THSD4: variants seen among roughly 807,000 people sequenced by gnomAD.
The protein encoded by THSD4 is thrombospondin type 1 domain containing 4.
A neutral mutation model predicts 119.0 loss-of-function variants in THSD4; 69 were observed. The ratio of observed to expected loss-of-function variants is 0.58; its 90% CI spans 0.48 to 0.71. The LOEUF (loss-of-function observed/expected upper bound fraction) is 0.71. Among genes scored for constraint, THSD4 ranks in the 30% least tolerant of loss-of-function variants. The pLI is 0.00. For synonymous variants in THSD4, 524 were observed against 540.4 expected, an observed-to-expected ratio of 0.97 and a Z score of 0.42; for missense variants, 1,393 against 1,391.1, an observed-to-expected ratio of 1.00 and a Z score of -0.02.
intron 3 of THSD4, among the ~76,000 whole-genome samples, chr15:71,174,384 C>G (rs983102123): frequency 6.6e-6 from 1 of 150,648 alleles, no homozygotes; most frequent in Admixed American, 6.6e-5. Flanking sequence ...ATGGACGCAC[C>G]TGGAAAATCG....
chr15:71,287,098 A>G (rs1029438791), intron 6 of THSD4, among the ~76,000 whole-genome samples: 2 of 152,240 alleles, frequency 1.3e-5, no homozygotes, highest in Non-Finnish European at 2.9e-5. Flanking sequence ...TTTAAGAAGA[A>G]TGATATTTGA....
chr15:71,214,932 CTG>C, intron 3 of THSD4, 101 bp from the exon 4 acceptor site: 1 of 1,203,772 alleles, frequency 8.3e-7, no homozygotes, highest in Non-Finnish European at 1.0e-6. Context: ...TTGAAACAGA[CTG>C]TGCCTACTTG....
At chr15:71,457,747 C>T (rs751581063) in intron 7 of THSD4, among the ~76,000 whole-genome samples, 12 of 152,206 alleles carry the variant, frequency 7.9e-5, no homozygotes, top group Non-Finnish European at 1.6e-4. Context: ...TGTCCCTCCA[C>T]CACCACTGTA....
intron 7 of THSD4, among the ~76,000 whole-genome samples, chr15:71,614,109 C>T (rs2050280789): frequency 6.6e-6 from 1 of 152,192 alleles, no homozygotes; most frequent in Non-Finnish European, 1.5e-5. Context: ...CTATAAAATG[C>T]AGCAACTCTA....
intron 3 of THSD4, among the ~76,000 whole-genome samples, chr15:71,191,404 C>T (rs968903160): frequency 3.3e-5 from 5 of 152,190 alleles, no homozygotes; most frequent in African/African-American, 4.8e-5. Flanking sequence ...CTCTGTTATC[C>T]GGTTCATGTC....
At chr15:71,765,302 G>C in intron 16 of THSD4, 103 bp downstream of exon 16, 2 of 1,365,536 alleles carry the variant, frequency 1.5e-6, no homozygotes, top group Admixed American at 2.8e-5. Context: ...CCCTGAAAGA[G>C]ATTCCCTACA....
rs1414119653 is a variant in THSD4, at chr15:71,204,393, TGCTCAGAGCCTCTTTGCTG to T, written c.100-10639_100-10621del. 4.6e-5 allele frequency among the ~76,000 whole-genome samples: 7 copies of T among 152,336 alleles called. No homozygotes were observed. The South Asian group carries it at 8.3e-4, about 18-fold the overall frequency. On this transcript the variant is annotated intron_variant, in intron 3 of 17. Transcript: ENST00000261862. ...TTGCACTGCGTTTAGGGAAGTTCTG[TGCTCAGAGCCTCTTTGCTG>T]GCAGTGGGGAGCCCTGGGTACAACC...
intron 6 of THSD4, among the ~76,000 whole-genome samples, chr15:71,263,825 G>A (rs2044432167): frequency 6.6e-6 from 1 of 152,240 alleles, no homozygotes; most frequent in Admixed American, 6.5e-5. Context: ...GCTCAAAGGA[G>A]GAGAAATGGA....
intron 7 of THSD4, among the ~76,000 whole-genome samples, chr15:71,473,621 C>A (rs1172193675): frequency 6.6e-6 from 1 of 152,192 alleles, no homozygotes. Flanking sequence ...CAATCCTATA[C>A]AGAGAAAAGA....
chr15:71,727,546 AAAAAAAAATATATAT>A (rs1451518868), intron 8 of THSD4, among the ~76,000 whole-genome samples: 5 of 100,854 alleles, frequency 5.0e-5, no homozygotes, highest in African/African-American at 2.4e-4. Context: ...AAAAAAAAAA[AAAAAAAAATATATAT>A]ATATATATAT....
At chr15:71,109,826 T>C (rs1271709026) in intron 1 of THSD4, among the ~76,000 whole-genome samples, 1 of 151,958 alleles carries the variant, frequency 6.6e-6, no homozygotes, top group Non-Finnish European at 1.5e-5. Context: ...GTCTGTGTGC[T>C]GAAGAGAGGC....
At chr15:71,164,856 C>T (rs906504933) in intron 3 of THSD4, 10 of 1,580,234 alleles carry the variant, frequency 6.3e-6, no homozygotes, top group Non-Finnish European at 8.6e-6. Context: ...TCATCTTCCT[C>T]CTCTTCCTTC....
chr15:71,567,104 C>T (rs1206240688), intron 7 of THSD4, among the ~76,000 whole-genome samples: 2 of 152,098 alleles, frequency 1.3e-5, no homozygotes, highest in African/African-American at 2.4e-5. Flanking sequence ...GAGCAGTGCC[C>T]GGATAGCTGT....
At chr15:71,290,425 A>T (rs1162634876) in intron 6 of THSD4, among the ~76,000 whole-genome samples, 2 of 151,086 alleles carry the variant, frequency 1.3e-5, no homozygotes, top group African/African-American at 4.9e-5. Context: ...TGTCATTTAG[A>T]TTTTTTTTTT....
chr15:71,749,143 G>A (rs1203602227), intron 14 of THSD4, among the ~76,000 whole-genome samples: 3 of 152,272 alleles, frequency 2.0e-5, no homozygotes, highest in Non-Finnish European at 1.5e-5. Context: ...AGGGGTTTCT[G>A]CAGATGGAGT....
At chr15:71,493,726 C>G (rs1448977833) in intron 7 of THSD4, among the ~76,000 whole-genome samples, 1 of 152,210 alleles carries the variant, frequency 6.6e-6, no homozygotes, top group Non-Finnish European at 1.5e-5. Context: ...ATCCAGAGGA[C>G]AAAGGTTTAT....
chr15:71,605,225 A>G (rs1159955125), intron 7 of THSD4, among the ~76,000 whole-genome samples: 40 of 152,230 alleles, frequency 2.6e-4, no homozygotes, highest in Non-Finnish European at 1.3e-4. Flanking sequence ...CGTGCAGGGC[A>G]TTATAGGAAG....
At chr15:71,440,155 G>A (rs555268000) in intron 7 of THSD4, among the ~76,000 whole-genome samples, 5 of 152,008 alleles carry the variant, frequency 3.3e-5, no homozygotes, top group Non-Finnish European at 7.4e-5. Context: ...AGCCATGATT[G>A]TCATTTAAAT....
chr15:71,117,763 C>A (rs898448887), intron 1 of THSD4, among the ~76,000 whole-genome samples: 2 of 152,192 alleles, frequency 1.3e-5, no homozygotes, highest in African/African-American at 4.8e-5. Flanking sequence ...CACAATGGCT[C>A]CCCAGTATTC....
Sources: gnomAD v4.1 joint callset for allele counts (sites outside exome capture counted in the v4.1 genomes callset) on GRCh38, gnomAD v4.1.1 for gene constraint, MANE v1.5 for transcripts, NCBI Gene and HGNC (gene_info 2026-07-23, HGNC 2026-07-21) for gene names.